The following KCNG2 variants were observed in gnomAD, a reference collection of about 807,000 sequenced individuals.
The protein encoded by KCNG2 is voltage-gated potassium channel regulatory subunit KCNG2.
A neutral mutation model predicts 12.3 loss-of-function variants in KCNG2; 7 were observed. That is an observed-to-expected ratio of 0.57 (90% CI 0.32 to 1.07). The LOEUF (loss-of-function observed/expected upper bound fraction) is 1.07, where lower values mean the gene tolerates loss of function less well. Ranked by LOEUF, KCNG2 falls within the 50% of genes least tolerant of loss-of-function variation. KCNG2 has a pLI of 0.04. For synonymous variants in KCNG2, 414 were observed against 351.4 expected (o/e 1.18, Z -1.99); for missense variants, 703 against 726.0 (o/e 0.97, Z 0.36).
chr18:79,844,934 G>A (rs2123041172), intron 1 of KCNG2, among the ~76,000 whole-genome samples: 1 of 152,306 alleles, frequency 6.6e-6, no homozygotes, highest in East Asian at 1.9e-4. Context: ...TTGCTCTGAT[G>A]AGCATTTACC....
At chr18:79,871,486 G>A (rs1979828884) in intron 3 of KCNG2, among the ~76,000 whole-genome samples, 1 of 152,180 alleles carries the variant, frequency 6.6e-6, no homozygotes, top group African/African-American at 2.4e-5. Flanking sequence ...GCTGCTCTGG[G>A]CCATGGCCCC....
In KCNG2 at chr18:79,884,881, G is replaced by A. The variant is rs1980464310; in HGVS notation, c.625-14159G>A. Among the ~76,000 whole-genome samples, 1 of 152,192 alleles carries A rather than the reference G, an allele frequency of 6.6e-6. No homozygotes were observed. ...ACAGTAGCGTGCGCGGGTCGGTGATGCAGCCAAGACACCATCCCTGAAACT... is the reference window on the plus strand; with the variant it reads ...ACAGTAGCGTGCGCGGGTCGGTGATACAGCCAAGACACCATCCCTGAAACT... On this transcript the variant is annotated intron_variant, in intron 3 of 3. Coordinates refer to ENST00000316249, the MANE Select transcript of KCNG2 (RefSeq NM_012283.2). The surrounding 1 kb of genome is among the most constrained non-coding windows in gnomAD (Gnocchi z 5.5).
intron 3 of KCNG2, among the ~76,000 whole-genome samples, chr18:79,888,107 C>G (rs1387935429): frequency 6.6e-6 from 1 of 152,236 alleles, no homozygotes; most frequent in African/African-American, 2.4e-5. Flanking sequence ...ACCCACACCC[C>G]AGACCTAGGC....
intron 3 of KCNG2, among the ~76,000 whole-genome samples, chr18:79,890,694 A>G (rs1042330635): frequency 2.0e-5 from 3 of 152,200 alleles, no homozygotes; most frequent in Admixed American, 6.5e-5. Flanking sequence ...TCAGTGAAGC[A>G]TCTGGCCCTG....
chr18:79,832,280 G>T (rs1978300369), intron 1 of KCNG2, among the ~76,000 whole-genome samples: 1 of 138,578 alleles, frequency 7.2e-6, no homozygotes, highest in South Asian at 2.5e-4. Context: ...TTCTTCACCT[G>T]CCCTCACCTG....
rs560251177 is a variant in KCNG2 at position 79,818,909 on chromosome 18, G to A, written c.-115+20895G>A. 3.3e-5 allele frequency among the ~76,000 whole-genome samples: 5 copies of A among 152,272 alleles called. No homozygotes were observed. In the South Asian group the frequency reaches 6.2e-4, roughly 19 times the overall value. ...GAGCCGAAGGTCCGCAGGTCTGGCC[G>A]AGCACTGAGCTCGCCTGTGAGATGC... On this transcript the variant is annotated intron_variant, in intron 1 of 3. Transcript: ENST00000316249.
Position 79,899,487 on chromosome 18 carries a change from G to A in KCNG2, c.1072G>A (p.Ala358Thr), listed in dbSNP as rs1447726992. 10 of 1,607,504 alleles carry A rather than the reference G, an allele frequency of 6.2e-6. 1 individual carries two copies. Among genetic ancestry groups the A allele is most frequent in the East Asian group, 2.2e-5 (1 of 44,548 alleles). The change falls in exon 4 of 4, where the codon GCC (alanine) becomes ACC (threonine). Residue 358 changes from alanine to threonine, a missense_variant. By Grantham distance (58) the Ala-to-Thr change is moderately conservative. Transcript: ENST00000316249. ...GCGCCGCGACTTCTCCAGCGTGCCC[G>A]CCAGCTATTGGTGGGCCGTCATCTC... ...GARRDFSSVP[A>T]SYWWAVISMT...
intron 1 of KCNG2, among the ~76,000 whole-genome samples, chr18:79,852,763 G>C (rs2123050910): frequency 6.6e-6 from 1 of 152,366 alleles, no homozygotes; most frequent in African/African-American, 2.4e-5. Flanking sequence ...ATCAGGGGCG[G>C]AGCCGTAATT....
intron 3 of KCNG2, among the ~76,000 whole-genome samples, chr18:79,870,863 G>T (rs1347161349): frequency 1.3e-5 from 2 of 152,200 alleles, no homozygotes; most frequent in African/African-American, 2.4e-5. Flanking sequence ...AGCTCACAGA[G>T]CGAGTTTTGT....
chr18:79,802,795 A>G (rs2087421471), intron 1 of KCNG2, among the ~76,000 whole-genome samples: 1 of 151,848 alleles, frequency 6.6e-6, no homozygotes, highest in Non-Finnish European at 1.5e-5. Context: ...AAAAAATTCT[A>G]TGACAAGTTT....
chr18:79,862,614 G>A (rs1298019037), intron 2 of KCNG2, among the ~76,000 whole-genome samples: 1 of 152,190 alleles, frequency 6.6e-6, no homozygotes, highest in Non-Finnish European at 1.5e-5. Context: ...AGATTCCCGG[G>A]AACTCTTAGA....
rs922042022 is a variant in KCNG2, at chr18:79,803,494, G to A, written c.-115+5480G>A. 6.6e-6 allele frequency among the ~76,000 whole-genome samples: 1 copy of A among 152,200 alleles called. No homozygotes were observed. The highest frequency in any genetic ancestry group is 1.5e-5 in the Non-Finnish European group (1 of 68,024). On this transcript the variant is annotated intron_variant, in intron 1 of 3. Transcript: ENST00000316249. This position sits in a 1 kb window ranked among gnomAD's most constrained non-coding sequence, Gnocchi z 4.5. ...CTTTAATACTTGCCAAATTAGAAAC[G>A]GAAACATTCTAGGGTGAAGAAAACA...
intron 3 of KCNG2, among the ~76,000 whole-genome samples, chr18:79,893,687 T>A (rs563822882): frequency 4.6e-5 from 7 of 152,274 alleles, no homozygotes; most frequent in African/African-American, 1.4e-4. Context: ...GGGTCTTGTG[T>A]CTGCTTTTGA....
rs187959575 is a variant in KCNG2 at position 79,864,320 on chromosome 18, G to A, written c.624+29G>A. On this transcript the variant is annotated intron_variant, in intron 3 of 3. Transcript: ENST00000316249. ...AGCGCGGCCGGGGGTGGCGGGGACC[G>A]GGCCGGAGCTGGGGCTGGGCTGGGA... The A allele has an allele frequency of 3.3e-4, 489 of 1,473,134 alleles. 6 individuals carry two copies. In the East Asian group the frequency reaches 0.012, roughly 37 times the overall value. 91.3% of individuals were successfully genotyped at this position (1,473,134 alleles called of 1,614,324 possible).
chr18:79,866,134 GTC>G (rs1979524263), intron 3 of KCNG2, among the ~76,000 whole-genome samples: 1 of 88,808 alleles, frequency 1.1e-5, no homozygotes, highest in African/African-American at 3.2e-5. Context: ...GTGTTCTGAG[GTC>G]TGGGTGCTGA....
intron 1 of KCNG2, among the ~76,000 whole-genome samples, chr18:79,854,361 G>C (rs765979356): frequency 6.6e-5 from 10 of 152,138 alleles, no homozygotes; most frequent in Non-Finnish European, 1.3e-4. Context: ...CCCCAAGCTC[G>C]GCATCAATTT....
chr18:79,861,175 T>C (rs1979203114), intron 2 of KCNG2, among the ~76,000 whole-genome samples: 2 of 152,114 alleles, frequency 1.3e-5, no homozygotes, highest in South Asian at 4.1e-4. Context: ...TGGTAAACGA[T>C]CAAATGGTCA....
At chr18:79,801,809 G>A (rs1278363743) in intron 1 of KCNG2, among the ~76,000 whole-genome samples, 1 of 152,244 alleles carries the variant, frequency 6.6e-6, no homozygotes, top group Non-Finnish European at 1.5e-5. Flanking sequence ...CCTGGGTGCG[G>A]CACACAGAGG....
intron 3 of KCNG2, among the ~76,000 whole-genome samples, chr18:79,865,965 G>T (rs1979505334): frequency 7.3e-6 from 1 of 136,342 alleles, no homozygotes; most frequent in Non-Finnish European, 1.6e-5. Context: ...TGTGTGCTGA[G>T]AGGACTGTGT....
Sources: gnomAD v4.1 joint callset for allele counts (sites outside exome capture counted in the v4.1 genomes callset) on GRCh38, gnomAD v4.1.1 for gene constraint, Gnocchi (gnomAD v3.1) non-coding constraint, MANE v1.5 for transcripts, NCBI Gene and HGNC (gene_info 2026-07-23, HGNC 2026-07-21) for gene names.